The following ARMC2 variants were observed in gnomAD, a reference collection of about 807,000 sequenced individuals.
The protein encoded by ARMC2 is armadillo repeat-containing protein 2.
In ARMC2, 67 loss-of-function variants were observed where a neutral mutation model predicts 90.3. That is an observed-to-expected ratio of 0.74 (90% CI 0.61 to 0.91). The LOEUF (loss-of-function observed/expected upper bound fraction) is 0.91. Among genes scored for constraint, ARMC2 ranks in the 40% least tolerant of loss-of-function variants. ARMC2 has a pLI of 0.00. For synonymous variants in ARMC2, 393 were observed against 393.0 expected (o/e 1.00, Z 0.00); for missense variants, 920 against 1,030.9 (o/e 0.89, Z 1.47).
intron 15 of ARMC2, among the ~76,000 whole-genome samples, chr6:108,962,846 A>G (rs1778094384): frequency 6.6e-6 from 1 of 152,114 alleles, no homozygotes; most frequent in Non-Finnish European, 1.5e-5. Context: ...CTCTACAAAA[A>G]TTTAAAATTA....
chr6:109,018,458 G>A, the ARMC2 span, among the ~76,000 whole-genome samples: 5 of 152,276 alleles, frequency 3.3e-5, no homozygotes, highest in African/African-American at 1.2e-4. Flanking sequence ...AATAGTGAGT[G>A]AACTGCTACA....
chr6:108,988,929 A>C, the ARMC2 span, among the ~76,000 whole-genome samples: 1 of 152,204 alleles, frequency 6.6e-6, no homozygotes, highest in Admixed American at 6.5e-5. Flanking sequence ...CATTCCTGAA[A>C]GCTGACAATA....
chr6:108,941,912 A>G (rs1173393032), intron 12 of ARMC2, among the ~76,000 whole-genome samples: 1 of 152,218 alleles, frequency 6.6e-6, no homozygotes, highest in East Asian at 1.9e-4. Context: ...TTTTTCCAGT[A>G]AGAAAAATAC....
intron 7 of ARMC2, among the ~76,000 whole-genome samples, chr6:108,903,098 G>A (rs1295161117): frequency 1.3e-5 from 2 of 152,078 alleles, no homozygotes; most frequent in African/African-American, 2.4e-5. Context: ...AGCCTGAGAG[G>A]TGGAGGTTGC....
At chr6:108,929,884 G>A (rs539892963) in intron 11 of ARMC2, among the ~76,000 whole-genome samples, 4 of 152,094 alleles carry the variant, frequency 2.6e-5, no homozygotes, top group African/African-American at 9.7e-5. Flanking sequence ...AAGGTGGGTG[G>A]ATCACTTAAG....
At chr6:108,956,425 G>A (rs772299431) in intron 13 of ARMC2, among the ~76,000 whole-genome samples, 24 of 152,132 alleles carry the variant, frequency 1.6e-4, no homozygotes, top group Middle Eastern at 3.4e-3. Flanking sequence ...GGCTGGGCAC[G>A]GTGGTTCGCG....
the ARMC2 span, among the ~76,000 whole-genome samples, chr6:109,003,441 G>C: frequency 6.6e-6 from 1 of 152,026 alleles, no homozygotes; most frequent in African/African-American, 2.4e-5. Flanking sequence ...CCCAGCAAAT[G>C]AAAGTCTTTA....
the ARMC2 span, among the ~76,000 whole-genome samples, chr6:109,012,098 C>A: frequency 2.0e-5 from 3 of 152,126 alleles, no homozygotes; most frequent in African/African-American, 4.8e-5. Context: ...TACAGGCATG[C>A]GATAAACATC....
the ARMC2 span, among the ~76,000 whole-genome samples, chr6:109,010,375 C>G: frequency 1.3e-5 from 2 of 152,160 alleles, no homozygotes; most frequent in African/African-American, 2.4e-5. Flanking sequence ...TTAAAAGAAA[C>G]AAATTCCTAA....
chr6:108,858,800 C>T (rs1020305796), intron 3 of ARMC2, among the ~76,000 whole-genome samples: 2 of 152,158 alleles, frequency 1.3e-5, no homozygotes, highest in African/African-American at 4.8e-5. Flanking sequence ...ACTTTAAGCT[C>T]TTTCGACACA....
chr6:109,045,631 C>T, the ARMC2 span, among the ~76,000 whole-genome samples: 2 of 152,196 alleles, frequency 1.3e-5, no homozygotes, highest in Non-Finnish European at 2.9e-5. Flanking sequence ...CTTAGTCAGG[C>T]TTCAAGAGCC....
chr6:108,890,152 T>C (rs1770816922), intron 5 of ARMC2, among the ~76,000 whole-genome samples: 1 of 119,330 alleles, frequency 8.4e-6, no homozygotes, highest in South Asian at 3.1e-4. Flanking sequence ...ATCCCGCCAC[T>C]GCACTCCAGC....
downstream of ARMC2, among the ~76,000 whole-genome samples, chr6:108,977,148 A>G (rs1389149904): frequency 1.3e-5 from 2 of 152,202 alleles, no homozygotes; most frequent in Non-Finnish European, 2.9e-5. Context: ...TTTGTCATAA[A>G]TAGCTCTTAT....
intron 17 of ARMC2, among the ~76,000 whole-genome samples, chr6:108,971,798 G>A (rs1465914269): frequency 6.6e-6 from 1 of 151,924 alleles, no homozygotes; most frequent in African/African-American, 2.4e-5. Context: ...GCACATGCCT[G>A]TAATCCCAGC....
intron 8 of ARMC2, chr6:108,908,018 A>AG: frequency 1.3e-6 from 1 of 782,888 alleles, no homozygotes. Context: ...GAACAGAAGG[A>AG]ATCTCCATTC....
At chr6:108,994,894 G>A in the ARMC2 span, among the ~76,000 whole-genome samples, 5 of 151,736 alleles carry the variant, frequency 3.3e-5, no homozygotes, top group Admixed American at 1.3e-4. Context: ...TAGTAGAGAC[G>A]GGGTTTCACC....
At chr6:108,938,328 T>C (rs1273006034) in intron 12 of ARMC2, among the ~76,000 whole-genome samples, 1 of 151,958 alleles carries the variant, frequency 6.6e-6, no homozygotes, top group African/African-American at 2.4e-5. Context: ...CAAAGACTTC[T>C]GCTGAGAATT....
chr6:109,046,882 T>C, the ARMC2 span, among the ~76,000 whole-genome samples: 167 of 108,308 alleles, frequency 1.5e-3, no homozygotes, highest in Middle Eastern at 6.8e-3. Context: ...AGCCCCTCCG[T>C]CCGGCAGCTG....
the ARMC2 span, among the ~76,000 whole-genome samples, chr6:109,033,386 A>G: frequency 6.6e-6 from 1 of 152,186 alleles, no homozygotes; most frequent in African/African-American, 2.4e-5. Context: ...CTAACTTTAT[A>G]CCCAAACAAA....
Sources: gnomAD v4.1 joint callset for allele counts (sites outside exome capture counted in the v4.1 genomes callset) on GRCh38, gnomAD v4.1.1 for gene constraint, MANE v1.5 for transcripts, NCBI Gene and HGNC (gene_info 2026-07-23, HGNC 2026-07-21) for gene names.